ITGA1: variants seen among roughly 807,000 people sequenced by gnomAD.
The protein encoded by ITGA1 is integrin subunit alpha 1, also known as integrin alpha-1.
In ITGA1, 85 loss-of-function variants were observed where a neutral mutation model predicts 145.9. The ratio of observed to expected loss-of-function variants is 0.58; its 90% CI spans 0.49 to 0.70. The LOEUF (loss-of-function observed/expected upper bound fraction) is 0.70, where lower values mean the gene tolerates loss of function less well. ITGA1 is among the 30% of genes least tolerant of loss of function. The pLI is 0.00. For synonymous variants in ITGA1, 520 were observed against 495.3 expected (o/e 1.05, Z -0.66); for missense variants, 1,351 against 1,418.7 (o/e 0.95, Z 0.77).
intron 6 of ITGA1, among the ~76,000 whole-genome samples, chr5:52,880,858 A>G (rs1749945619): frequency 6.6e-6 from 1 of 152,210 alleles, no homozygotes; most frequent in South Asian, 2.1e-4. Flanking sequence ...ACAATTTTTA[A>G]TGCAGATTAG....
intron 1 of ITGA1, chr5:52,804,124 C>G (rs1167752635): frequency 6.6e-6 from 1 of 151,958 alleles, no homozygotes; most frequent in Non-Finnish European, 1.5e-5. Flanking sequence ...ATTAAAAATT[C>G]AGATAATTAT....
rs1751248718 is a variant in ITGA1 at position 52,953,031 on chromosome 5, A to T, written c.*580A>T. On this transcript the variant is annotated 3_prime_UTR_variant, in exon 29 of 29. Transcript: ENST00000282588. The stretch of plus-strand genomic sequence containing the variant: ...TTTGTGTTGGGTTCTATACCTAAAA[A>T]TTTTCCCTCCCTGCCCAAGGTGATT... 6.6e-6 allele frequency: 1 copy of T among 152,018 alleles called. No homozygotes were observed. Among genetic ancestry groups the T allele is most frequent in the African/African-American group, 2.4e-5 (1 of 41,394 alleles). 9.4% of individuals were successfully genotyped at this position (152,018 alleles called of 1,614,324 possible).
At chr5:52,933,785 C>A in intron 22 of ITGA1, 109 bp from the exon 23 acceptor site, 1 of 441,110 alleles carries the variant, frequency 2.3e-6, no homozygotes, top group Non-Finnish European at 4.1e-6. Flanking sequence ...GATTTGAAAT[C>A]CCTACAAGTA....
chr5:52,795,350 T>G (rs577242616), intron 1 of ITGA1, among the ~76,000 whole-genome samples: 13 of 151,808 alleles, frequency 8.6e-5, no homozygotes, highest in Non-Finnish European at 1.6e-4. Flanking sequence ...TGCAGGAAAG[T>G]AAGCCTTCCA....
intron 1 of ITGA1, among the ~76,000 whole-genome samples, chr5:52,816,637 A>G (rs1461423008): frequency 6.6e-6 from 1 of 152,110 alleles, no homozygotes; most frequent in African/African-American, 2.4e-5. Flanking sequence ...TCTCTTAGAG[A>G]TTGGGGTCCT....
At chr5:52,812,671 A>G (rs984882256) in intron 1 of ITGA1, among the ~76,000 whole-genome samples, 18 of 152,114 alleles carry the variant, frequency 1.2e-4, no homozygotes, top group Non-Finnish European at 2.4e-4. Flanking sequence ...AATTTGTAAA[A>G]TGGAAAAAAT....
rs1750390764 is a variant in ITGA1, at chr5:52,905,641, ATAT to A, written c.1310-117_1310-115del. Reference sequence around the variant, plus strand: ...AATTCTTACGTGCATTGAAGAAAAAATATTATTTTCAAAATATAACCATATAAA... The same window carrying A: ...AATTCTTACGTGCATTGAAGAAAAAATATTTTCAAAATATAACCATATAAA... On this transcript the variant is annotated intron_variant, in intron 11 of 28. Coordinates refer to ENST00000282588, the MANE Select transcript of ITGA1 (RefSeq NM_181501.2). 3.6e-6 allele frequency: 3 copies of A among 834,672 alleles called. No individual in the cohort carries two copies. In the South Asian group the frequency reaches 9.3e-5, roughly 26 times the overall value. The allele number at this position is 834,672 out of a possible 1,614,324, so 51.7% of individuals were successfully genotyped here.
At chr5:52,911,316 A>G (rs1017296130) in intron 14 of ITGA1, among the ~76,000 whole-genome samples, 20 of 135,324 alleles carry the variant, frequency 1.5e-4, no homozygotes, top group Non-Finnish European at 2.5e-4. Context: ...TATATAGTGT[A>G]TATATAGTGT....
chr5:52,935,824 G>T (rs1561254140), intron 23 of ITGA1, among the ~76,000 whole-genome samples: 1 of 152,066 alleles, frequency 6.6e-6, no homozygotes, highest in Non-Finnish European at 1.5e-5. Flanking sequence ...ATGCAAATAG[G>T]ACAGGTAACC....
intron 1 of ITGA1, chr5:52,800,569 A>C: frequency 6.2e-7 from 1 of 1,613,728 alleles, no homozygotes; most frequent in Non-Finnish European, 8.5e-7. Flanking sequence ...CGTGGGCAGC[A>C]ACCGGGTCCG....
rs550843110 is a variant in ITGA1, at chr5:52,873,746, C to T, written c.624+7929C>T. 5.3e-5 allele frequency among the ~76,000 whole-genome samples: 8 copies of T among 152,252 alleles called. No individual in the cohort carries two copies. In the South Asian group the frequency reaches 1.4e-3, roughly 28 times the overall value. On this transcript the variant is annotated intron_variant, in intron 6 of 28. Transcript: ENST00000282588. The stretch of plus-strand genomic sequence containing the variant: ...ACATTGGCCAGACATAAAGCCTGAG[C>T]TCTTTTCATATTAGGCAATTGTGCA...
intron 1 of ITGA1, chr5:52,800,779 TG>T: frequency 6.2e-7 from 1 of 1,614,000 alleles, no homozygotes; most frequent in Non-Finnish European, 8.5e-7. Context: ...CGAGCAGGCC[TG>T]TGACCCAGCC....
chr5:52,939,975 TG>T, intron 26 of ITGA1, 31 bp downstream of exon 26: 1 of 1,088,100 alleles, frequency 9.2e-7, no homozygotes, highest in Non-Finnish European at 1.4e-6. Context: ...ATGCACTTAT[TG>T]AATAATATCA....
rs925134823 is a variant in ITGA1 at position 52,956,781 on chromosome 5, C to T, written c.*4330C>T. The stretch of plus-strand genomic sequence containing the variant: ...GAAAAGAAGGGCCTTAAAGTCCTCA[C>T]ATGGATGCTGTATTTATAACTAAAA... On this transcript the variant is annotated 3_prime_UTR_variant, in exon 29 of 29. Transcript: ENST00000282588. 1.3e-5 allele frequency: 2 copies of T among 152,182 alleles called. No homozygotes were observed. The highest frequency in any genetic ancestry group is 2.4e-5 in the African/African-American group (1 of 41,438). 9.4% of individuals were successfully genotyped at this position (152,182 alleles called of 1,614,324 possible).
intron 14 of ITGA1, among the ~76,000 whole-genome samples, chr5:52,911,573 AC>A (rs1561246354): frequency 2.4e-4 from 13 of 54,726 alleles, no homozygotes; most frequent in African/African-American, 6.9e-4. Context: ...TACTATATAT[AC>A]TATATATATA....
intron 6 of ITGA1, among the ~76,000 whole-genome samples, chr5:52,866,818 A>T (rs1365989719): frequency 1.3e-5 from 2 of 152,106 alleles, no homozygotes; most frequent in Non-Finnish European, 2.9e-5. Flanking sequence ...TGTTTATTAA[A>T]CTCATATGGG....
chr5:52,848,280 A>G (rs1167557160), intron 1 of ITGA1, among the ~76,000 whole-genome samples: 1 of 152,204 alleles, frequency 6.6e-6, no homozygotes, highest in East Asian at 1.9e-4. Flanking sequence ...CAGCAAGGAC[A>G]ACATCTATTT....
chr5:52,894,278 TTC>T (rs1435799746), intron 9 of ITGA1, among the ~76,000 whole-genome samples: 2 of 152,212 alleles, frequency 1.3e-5, no homozygotes, highest in South Asian at 4.1e-4. Context: ...TTCACTTATT[TTC>T]TCTGTATTTT....
At position 52,929,210 on chromosome 5, in the gene ITGA1, A is replaced by T. The variant is rs139231923; in HGVS notation, c.2695-415A>T. On this transcript the variant is annotated intron_variant, in intron 20 of 28. Coordinates refer to ENST00000282588, the MANE Select transcript of ITGA1 (RefSeq NM_181501.2). The stretch of plus-strand genomic sequence containing the variant: ...GGTGAGGGCCCATTTCATGCTTCAT[A>T]GAAGATGTCTTTTCAATGCATCCTG... Among the ~76,000 whole-genome samples, 182 of 152,218 alleles carry T rather than the reference A, an allele frequency of 1.2e-3. 1 individual carries two copies. The highest frequency in any genetic ancestry group is 1.8e-3 in the Non-Finnish European group (121 of 68,010).
Sources: allele counts gnomAD v4.1 joint callset (sites outside exome capture counted in the v4.1 genomes callset), GRCh38; gene constraint gnomAD v4.1.1; transcripts MANE v1.5; gene names NCBI Gene and HGNC (gene_info 2026-07-23, HGNC 2026-07-21).